FMN2: variants seen among roughly 807,000 people sequenced by gnomAD.
The protein encoded by FMN2 is formin-2.
Under a neutral mutation model 142.3 loss-of-function variants are expected in FMN2, and 51 were observed. The ratio of observed to expected loss-of-function variants is 0.36; its 90% confidence interval spans 0.29 to 0.45. FMN2 has a LOEUF of 0.45. Ranked by LOEUF, FMN2 falls within the 20% of genes least tolerant of loss-of-function variation. The pLI, the probability that FMN2 is intolerant of heterozygous loss-of-function variation, is 1.00. For missense variants in FMN2, 1,936 were observed against 2,122.8 expected (o/e 0.91, Z 1.73); for synonymous variants, 882 against 869.8 (o/e 1.01, Z -0.25).
At chr1:240,228,196 G>A (rs575201182) in intron 6 of FMN2, among the ~76,000 whole-genome samples, 35 of 150,588 alleles carry the variant, frequency 2.3e-4, no homozygotes, top group African/African-American at 8.0e-4. Flanking sequence ...CCAGCTACTC[G>A]GGAGTCTGAA....
intron 1 of FMN2, among the ~76,000 whole-genome samples, chr1:240,109,253 G>A (rs1002533216): frequency 1.3e-5 from 2 of 152,156 alleles, no homozygotes. Context: ...CTTTACAGTG[G>A]AATTAGTGGT....
chr1:240,225,381 C>G (rs1210864431), intron 6 of FMN2, among the ~76,000 whole-genome samples: 1 of 152,178 alleles, frequency 6.6e-6, no homozygotes, highest in African/African-American at 2.4e-5. Flanking sequence ...TAAGAATAAT[C>G]TTTCACTGAT....
rs1673847759 is a variant in FMN2 at position 240,398,118 on chromosome 1, C to T, written c.4910+5556C>T. Among the ~76,000 whole-genome samples the T allele has an allele frequency of 2.0e-5, 3 of 151,972 alleles. No homozygotes were observed. In the South Asian group the frequency reaches 6.2e-4, roughly 31 times the overall value. ...TCAGACAATTCTCATTCCTCAGCCTCCCCAGTAGCTAGAATTACAAGCGTG... is the reference window on the plus strand; with the variant it reads ...TCAGACAATTCTCATTCCTCAGCCTTCCCAGTAGCTAGAATTACAAGCGTG... On this transcript the variant is annotated intron_variant, in intron 15 of 17. Transcript: ENST00000319653.
intron 1 of FMN2, among the ~76,000 whole-genome samples, chr1:240,109,707 G>A (rs541763867): frequency 6.6e-6 from 1 of 152,010 alleles, no homozygotes; most frequent in Non-Finnish European, 1.5e-5. Context: ...ATTGAGAAGG[G>A]TATTAAAAGA....
chr1:240,399,334 A>T (rs536258650), intron 15 of FMN2, among the ~76,000 whole-genome samples: 2 of 151,600 alleles, frequency 1.3e-5, no homozygotes, highest in East Asian at 3.9e-4. Context: ...GCAACCATTA[A>T]ACTGGAAAAA....
In FMN2 at chr1:240,092,983, C is replaced by G. The variant is rs1393310059; in HGVS notation, c.874C>G (p.Gln292Glu). 27 of 1,406,008 alleles carry G rather than the reference C, an allele frequency of 1.9e-5. 1 individual carries two copies. In the South Asian group the frequency reaches 3.4e-4, roughly 18 times the overall value. 87.1% of individuals were successfully genotyped at this position (1,406,008 alleles called of 1,614,324 possible). A position where few individuals can be genotyped will look rare whatever the true frequency, so the allele number is the denominator to read the frequency against. ...GGCCGCCGAGCCCCGGGAGCCCCAG[C>G]AACCGCCGTCCCCCGGCGGCCTCCC... ...SLAAEPREPQQPPSPGGLPVS... is the reference protein window; with the variant it reads ...SLAAEPREPQEPPSPGGLPVS... Residue 292 changes from glutamine (Q) to glutamate (E), a missense_variant, in exon 1 of 18, where the codon CAA (glutamine) becomes GAA (glutamate). Coordinates refer to ENST00000319653, the MANE Select transcript of FMN2 (RefSeq NM_020066.5).
At chr1:240,439,270 C>CAAAAAAAAA (rs58234038) in intron 16 of FMN2, among the ~76,000 whole-genome samples, 15 of 101,246 alleles carry the variant, frequency 1.5e-4, no homozygotes, top group African/African-American at 5.9e-4. Flanking sequence ...AAGGCTGTCT[C>CAAAAAAAAA]AAAAAAAAAA....
intron 2 of FMN2, among the ~76,000 whole-genome samples, chr1:240,132,742 G>T (rs914145032): frequency 6.6e-6 from 1 of 152,138 alleles, no homozygotes; most frequent in Admixed American, 6.6e-5. Flanking sequence ...CAGGATGGAC[G>T]TGGAATACTC....
At chr1:240,105,831 T>A (rs1335562267) in intron 1 of FMN2, among the ~76,000 whole-genome samples, 1 of 152,194 alleles carries the variant, frequency 6.6e-6, no homozygotes, top group Non-Finnish European at 1.5e-5. Context: ...TAGCTTACAG[T>A]TATATGAGAT....
intron 16 of FMN2, among the ~76,000 whole-genome samples, chr1:240,439,550 C>T (rs1339947500): frequency 2.0e-5 from 3 of 152,234 alleles, no homozygotes; most frequent in African/African-American, 7.2e-5. Context: ...AGAAACTATC[C>T]TCAGTGAATA....
At chr1:240,176,978 G>A (rs905633312) in intron 2 of FMN2, among the ~76,000 whole-genome samples, 34 of 152,230 alleles carry the variant, frequency 2.2e-4, no homozygotes, top group African/African-American at 7.5e-4. Flanking sequence ...ACATCCATCC[G>A]ATAACTCATT....
intron 4 of FMN2, among the ~76,000 whole-genome samples, chr1:240,201,335 A>G (rs1259006730): frequency 6.6e-6 from 1 of 152,170 alleles, no homozygotes; most frequent in East Asian, 1.9e-4. Flanking sequence ...TGAACTTGTT[A>G]ATCATGCAGA....
chr1:240,391,391 A>AC (rs1355198499), intron 14 of FMN2, among the ~76,000 whole-genome samples: 1 of 151,902 alleles, frequency 6.6e-6, no homozygotes, highest in Non-Finnish European at 1.5e-5. Flanking sequence ...AAAGACACTG[A>AC]CAGTTCTCGA....
intron 1 of FMN2, among the ~76,000 whole-genome samples, chr1:240,099,508 C>T (rs1661340898): frequency 6.6e-6 from 1 of 151,914 alleles, no homozygotes; most frequent in Admixed American, 6.6e-5. Flanking sequence ...TAGCTGACAC[C>T]CTCAGTGTTT....
chr1:240,472,618 C>T (rs1189747894), intron 17 of FMN2, among the ~76,000 whole-genome samples, 165 bp downstream of exon 17: 1 of 151,932 alleles, frequency 6.6e-6, no homozygotes, highest in African/African-American at 2.4e-5. Context: ...TAATCAGGCC[C>T]AGAAGGCTAA....
chr1:240,241,488 A>G (rs952276737), intron 6 of FMN2, among the ~76,000 whole-genome samples: 3 of 152,188 alleles, frequency 2.0e-5, no homozygotes, highest in Non-Finnish European at 4.4e-5. Flanking sequence ...GCAGAGGACA[A>G]GTGAACTTTG....
intron 8 of FMN2, among the ~76,000 whole-genome samples, chr1:240,317,172 T>C (rs948674450): frequency 2.6e-5 from 4 of 152,002 alleles, no homozygotes; most frequent in Non-Finnish European, 4.4e-5. Context: ...AAAAATTAGC[T>C]TGGTGTGGTG....
At position 240,355,916 on chromosome 1, in the gene FMN2, C is replaced by G; in HGVS notation, c.4858+8C>G. On this transcript the variant is annotated splice_region_variant and intron_variant, in intron 14 of 17. Coordinates refer to ENST00000319653, the MANE Select transcript of FMN2 (RefSeq NM_020066.5). ...AACAATTTATTATTCAAGGTAAATT[C>G]CAAAGAGATGTGTTATGTTTTTCTC... 9.9e-7 allele frequency: 1 copy of G among 1,013,086 alleles called. No homozygotes were observed. 62.8% of individuals were successfully genotyped at this position (1,013,086 alleles called of 1,614,324 possible).
intron 6 of FMN2, among the ~76,000 whole-genome samples, chr1:240,252,583 A>G (rs989743882): frequency 4.7e-5 from 7 of 148,106 alleles, no homozygotes; most frequent in Non-Finnish European, 7.4e-5. Context: ...TATATCATTC[A>G]GTTCTCTCCT....
Sources: allele counts gnomAD v4.1 joint callset (sites outside exome capture counted in the v4.1 genomes callset), GRCh38; gene constraint gnomAD v4.1.1; transcripts MANE v1.5; gene names NCBI Gene and HGNC (gene_info 2026-07-23, HGNC 2026-07-21).